DFFB: variants seen among roughly 807,000 people sequenced by gnomAD.
The protein encoded by DFFB is DNA fragmentation factor 40 kDa subunit.
In DFFB, 29 loss-of-function variants were observed where a neutral mutation model predicts 32.7. The observed-to-expected ratio is 0.89, with a 90% CI of 0.66 to 1.21. DFFB has a LOEUF of 1.21. DFFB is among the 50% of genes most tolerant of loss of function. DFFB has a pLI of 0.00. For missense variants in DFFB, 398 were observed against 440.6 expected, an observed-to-expected ratio of 0.90 and a Z score of 0.87; for synonymous variants, 170 against 177.1, an observed-to-expected ratio of 0.96 and a Z score of 0.32.
In DFFB at chr1:3,883,617, A is replaced by T. The variant is rs1362603717; in HGVS notation, c.893A>T (p.Asn298Ile). ...TATGGCCTGCTTTTTACCTCAGAGAACCTAAAACTAGTGCACATTGTCTGC... is the reference window on the plus strand; with the variant it reads ...TATGGCCTGCTTTTTACCTCAGAGATCCTAAAACTAGTGCACATTGTCTGC... ...YFYGLLFTSE[N>I]LKLVHIVCHK... is the part of the protein sequence containing the mutation. The change falls in exon 7 of 7, where the codon AAC becomes ATC. Residue 298 changes from asparagine (N) to isoleucine (I), a missense_variant. Coordinates refer to ENST00000378209, the MANE Select transcript of DFFB (RefSeq NM_004402.4). 6.2e-7 allele frequency: 1 copy of T among 1,614,132 alleles called. No homozygotes were observed.
At chr1:3,867,048 A>G (rs930553881) in intron 3 of DFFB, among the ~76,000 whole-genome samples, 76 of 152,258 alleles carry the variant, frequency 5.0e-4, no homozygotes, top group African/African-American at 1.7e-3. Flanking sequence ...GGTGCCTGCC[A>G]CCACGCCTGG....
intron 2 of DFFB, among the ~76,000 whole-genome samples, chr1:3,864,028 G>A (rs1306093283): frequency 1.3e-5 from 2 of 151,980 alleles, no homozygotes; most frequent in African/African-American, 2.4e-5. Flanking sequence ...GTACAGTGGC[G>A]CGATCTCGGC....
chr1:3,872,617 C>T, intron 6 of DFFB, 45 bp downstream of exon 6: 1 of 1,532,748 alleles, frequency 6.5e-7, no homozygotes, highest in South Asian at 1.1e-5. Context: ...GCCTGCAGGG[C>T]CCTGTCCCTG....
intron 4 of DFFB, 114 bp downstream of exon 4, chr1:3,868,167 T>C: frequency 1.1e-6 from 1 of 944,272 alleles, no homozygotes; most frequent in Non-Finnish European, 1.7e-6. Flanking sequence ...ACTCCGTGCT[T>C]GCGTGGATCT....
rs549184938 is a variant in DFFB at position 3,872,485 on chromosome 1, T to G, written c.695T>G (p.Met232Arg). The stretch of plus-strand genomic sequence containing the variant: ...TTTGGCCCCCAGGGTCCCTTTGACA[T>G]GGACAGCTGCTTATCAAGACACTCC... ...GWFSCQGPFD[M>R]DSCLSRHSIN... is the part of the protein sequence containing the mutation. Residue 232 changes from methionine to arginine, a missense_variant, in exon 6 of 7, where the codon ATG (methionine) becomes AGG (arginine). Transcript: ENST00000378209. 5.1e-5 allele frequency: 82 copies of G among 1,613,556 alleles called. 2 individuals are homozygous for G. The South Asian group carries it at 8.3e-4, about 16-fold the overall frequency.
Position 3,885,199 on chromosome 1 carries a change from G to GGTTT in DFFB, c.*1459_*1460insTTTG, listed in dbSNP as rs1237227011. 6.6e-6 allele frequency: 1 copy of GGTTT among 152,186 alleles called. No homozygotes were observed. The highest frequency in any genetic ancestry group is 1.9e-4 in the East Asian group (1 of 5,188). 9.4% of individuals were successfully genotyped at this position (152,186 alleles called of 1,614,324 possible). On this transcript the variant is annotated 3_prime_UTR_variant, in exon 7 of 7. Coordinates refer to ENST00000378209, the MANE Select transcript of DFFB (RefSeq NM_004402.4). ...GCGGGTGCACAGAGACGGTCTGGAAGGAAACACGCGGATCTGAACAGCAGT... is the reference window on the plus strand; with the variant it reads ...GCGGGTGCACAGAGACGGTCTGGAAGGTTTGAAACACGCGGATCTGAACAGCAGT...
intron 6 of DFFB, among the ~76,000 whole-genome samples, chr1:3,875,242 T>A (rs1468696595): frequency 2.0e-5 from 3 of 152,208 alleles, no homozygotes; most frequent in Admixed American, 6.5e-5. Flanking sequence ...ACCCATATGG[T>A]CTGGTTCCGT....
At position 3,869,662 on chromosome 1, in the gene DFFB, C is replaced by A. The variant is rs776360511; in HGVS notation, c.568C>A (p.Leu190Ile). 7.4e-6 allele frequency: 12 copies of A among 1,613,452 alleles called. No individual in the cohort carries two copies. The highest frequency in any genetic ancestry group is 1.7e-6 in the Non-Finnish European group (2 of 1,179,868). The part of the protein sequence containing the change: ...AEAQEEFLRV[L>I]GSMCQRLRSM... ...GGCTCAGGAGGAATTCCTGCGGGTC[C>A]TCGGCTCCATGTGCCAGAGGCTCCG... Residue 190 changes from leucine (L) to isoleucine (I), a missense_variant, in exon 5 of 7, where the codon CTC becomes ATC. By Grantham distance (5) the Leu-to-Ile change is conservative (BLOSUM62 2). Transcript: ENST00000378209.
At chr1:3,882,607 C>T (rs898384118) in intron 6 of DFFB, among the ~76,000 whole-genome samples, 8 of 152,232 alleles carry the variant, frequency 5.3e-5, no homozygotes, top group South Asian at 2.1e-4. Flanking sequence ...TCAGGTGATC[C>T]GCACGCCTCA....
intron 2 of DFFB, among the ~76,000 whole-genome samples, chr1:3,859,256 G>A (rs1644832648): frequency 6.6e-6 from 1 of 152,040 alleles, no homozygotes; most frequent in South Asian, 2.1e-4. Flanking sequence ...TTCGTGGGAT[G>A]CTCTCACATT....
intron 6 of DFFB, among the ~76,000 whole-genome samples, chr1:3,879,793 G>A (rs78804074): frequency 0.034 from 5,149 of 152,058 alleles, 184 homozygotes; most frequent in African/African-American, 0.097. Context: ...TTCCTTTTTT[G>A]GGTTCCTAAA....
intron 4 of DFFB, 77 bp downstream of exon 4, chr1:3,868,130 C>A: frequency 7.7e-7 from 1 of 1,298,522 alleles, no homozygotes; most frequent in Non-Finnish European, 1.1e-6. Context: ...GCCTGTGGTC[C>A]TCACGATGGG....
At position 3,865,853 on chromosome 1, in the gene DFFB, C is replaced by G. The variant is rs1449249929; in HGVS notation, c.283C>G (p.Pro95Ala). 1 of 1,614,150 alleles carries G rather than the reference C, an allele frequency of 6.2e-7. No homozygotes were observed. Among genetic ancestry groups the G allele is most frequent in the Admixed American group, 1.7e-5 (1 of 60,024 alleles). The part of the protein sequence containing the change: ...IRRFLSAFHE[P>A]QVGLIQAAQQ... ...GCGCTTCCTCAGTGCATTTCACGAG[C>G]CACAGGTGGGGCTCATCCAGGCCGC... The change falls in exon 3 of 7, where the codon CCA becomes GCA. Residue 95 changes from proline (P) to alanine (A), a missense_variant. Pro to Ala is a conservative substitution (Grantham distance 27). Coordinates refer to ENST00000378209, the MANE Select transcript of DFFB (RefSeq NM_004402.4). This position sits in a 1 kb window ranked among gnomAD's most constrained non-coding sequence, Gnocchi z 4.7.
intron 6 of DFFB, among the ~76,000 whole-genome samples, chr1:3,879,801 A>G (rs937437169): frequency 6.6e-6 from 1 of 152,164 alleles, no homozygotes; most frequent in Non-Finnish European, 1.5e-5. Context: ...TTGGGTTCCT[A>G]AAGAGCCCAA....
intron 4 of DFFB, among the ~76,000 whole-genome samples, 173 bp from the exon 5 acceptor site, chr1:3,869,432 C>A (rs74585156): frequency 2.0e-5 from 3 of 152,174 alleles, no homozygotes; most frequent in Non-Finnish European, 2.9e-5. Flanking sequence ...TCAGAGTCTC[C>A]CAGGGTGGGA....
rs142402958 is a variant in DFFB, at chr1:3,863,563, G to A, written c.242-2249G>A. Among the ~76,000 whole-genome samples the A allele has an allele frequency of 2.2e-4, 33 of 152,288 alleles. No homozygotes were observed. The South Asian group carries it at 2.7e-3, about 12-fold the overall frequency. On this transcript the variant is annotated intron_variant, in intron 2 of 6. Transcript: ENST00000378209. ...TCCACACCAAAACTCGTCCGTGAGC[G>A]TTTACAGTAGCTTTATTCATAATAG...
chr1:3,857,602 C>T lies in DFFB; in HGVS notation c.-2C>T. 6.3e-7 allele frequency: 1 copy of T among 1,582,896 alleles called. No individual in the cohort carries two copies. Among genetic ancestry groups the T allele is most frequent in the Non-Finnish European group, 8.6e-7 (1 of 1,165,500 alleles). ...GACCCAGAGGGCTTGAGGACATCTG[C>T]AATGCTCCAGAAGCCCAAGAGCGTG... On this transcript the variant is annotated 5_prime_UTR_variant, in exon 1 of 7. Coordinates refer to ENST00000378209, the MANE Select transcript of DFFB (RefSeq NM_004402.4).
intron 6 of DFFB, chr1:3,873,097 C>T (rs556993644): frequency 4.4e-4 from 341 of 777,092 alleles, no homozygotes; most frequent in Middle Eastern, 2.6e-3. Context: ...TGGCCTCAAG[C>T]AATCCTCCTG....
rs535628212 is a variant in DFFB at position 3,872,379 on chromosome 1, C to G, written c.682-93C>G. 48 of 939,464 alleles carry G rather than the reference C, an allele frequency of 5.1e-5. No homozygotes were observed. In the African/African-American group the frequency reaches 6.9e-4, roughly 14 times the overall value. The allele number at this position is 939,464 out of a possible 1,614,324, so 58.2% of individuals were successfully genotyped here. ...AGTAAGCCGAGATCGGGCCACTGCA[C>G]TCCAGCCTGGCGACAGAGCGAGGCG... On this transcript the variant is annotated intron_variant, in intron 5 of 6. Coordinates refer to ENST00000378209, the MANE Select transcript of DFFB (RefSeq NM_004402.4).
Sources: allele counts gnomAD v4.1 joint callset (sites outside exome capture counted in the v4.1 genomes callset), GRCh38; gene constraint gnomAD v4.1.1; non-coding constraint Gnocchi (gnomAD v3.1); transcripts MANE v1.5; gene names NCBI Gene and HGNC (gene_info 2026-07-23, HGNC 2026-07-21).